ADGRL2: variants seen among roughly 807,000 people sequenced by gnomAD.
ADGRL2 encodes the protein adhesion G protein-coupled receptor L2, also known as calcium-independent alpha-latrotoxin receptor 2.
ADGRL2 carries 44 observed loss-of-function variants against 157.4 expected under a neutral mutation model. The observed-to-expected ratio is 0.28, with a 90% confidence interval of 0.22 to 0.36. The LOEUF (loss-of-function observed/expected upper bound fraction) is 0.36. Among genes scored for constraint, ADGRL2 ranks in the 10% least tolerant of loss-of-function variants. ADGRL2 has a pLI of 1.00. For synonymous variants in ADGRL2, 585 were observed against 624.7 expected (o/e 0.94, Z 0.95); for missense variants, 1,510 against 1,768.9 (o/e 0.85, Z 2.63).
At chr1:81,311,846 T>A (rs1659775016) in intron 1 of ADGRL2, among the ~76,000 whole-genome samples, 1 of 151,952 alleles carries the variant, frequency 6.6e-6, no homozygotes, top group African/African-American at 2.4e-5. Context: ...AGAACCAAGG[T>A]GAAAAGTTAA....
At chr1:81,856,393 T>C (rs751579733) in intron 2 of ADGRL2, among the ~76,000 whole-genome samples, 16 of 152,190 alleles carry the variant, frequency 1.1e-4, no homozygotes, top group Non-Finnish European at 4.4e-5. Flanking sequence ...TATGGGCTTC[T>C]TCTTTTTGTA....
chr1:81,662,579 GA>G, intron 3 of ADGRL2, among the ~76,000 whole-genome samples: 1 of 140,402 alleles, frequency 7.1e-6, no homozygotes, highest in African/African-American at 2.9e-5. Context: ...TTTTGAGACA[GA>G]GTCTCGCTCT....
At chr1:81,361,970 G>A (rs1023583475) in intron 1 of ADGRL2, among the ~76,000 whole-genome samples, 1 of 151,722 alleles carries the variant, frequency 6.6e-6, no homozygotes, top group Non-Finnish European at 1.5e-5. Context: ...TGGTTAGTCT[G>A]CCCTCCATTC....
chr1:81,462,646 C>T (rs978004359), intron 2 of ADGRL2, among the ~76,000 whole-genome samples: 1 of 152,130 alleles, frequency 6.6e-6, no homozygotes, highest in African/African-American at 2.4e-5. Flanking sequence ...CCCTTGTTCT[C>T]ATTAACATCT....
intron 1 of ADGRL2, among the ~76,000 whole-genome samples, chr1:81,423,052 C>A (rs958796565): frequency 2.6e-5 from 4 of 152,236 alleles, no homozygotes; most frequent in South Asian, 2.1e-4. Context: ...GACCAACTTG[C>A]AAATATATTA....
intron 2 of ADGRL2, among the ~76,000 whole-genome samples, chr1:81,906,244 G>A (rs946198345): frequency 1.3e-5 from 2 of 152,076 alleles, no homozygotes; most frequent in African/African-American, 4.8e-5. Context: ...CTTCAGTCCA[G>A]TTACACCTTT....
intron 2 of ADGRL2, among the ~76,000 whole-genome samples, chr1:81,508,527 C>A (rs188409719): frequency 6.6e-6 from 1 of 152,312 alleles, no homozygotes; most frequent in Non-Finnish European, 1.5e-5. Flanking sequence ...TTGCATGTGT[C>A]TCCTCTGCTC....
intron 1 of ADGRL2, among the ~76,000 whole-genome samples, chr1:81,360,928 C>T (rs917164347): frequency 3.3e-5 from 5 of 151,788 alleles, no homozygotes; most frequent in African/African-American, 7.2e-5. Context: ...TTCTTCTGAC[C>T]TAGTATCTAT....
chr1:81,393,280 G>A (rs902229501), intron 1 of ADGRL2, among the ~76,000 whole-genome samples: 1 of 151,800 alleles, frequency 6.6e-6, no homozygotes, highest in Non-Finnish European at 1.5e-5. Flanking sequence ...TATCACTTTG[G>A]GGAAGGGATG....
intron 1 of ADGRL2, among the ~76,000 whole-genome samples, chr1:81,385,143 T>C (rs147503538): frequency 5.9e-5 from 9 of 152,260 alleles, no homozygotes; most frequent in African/African-American, 2.2e-4. Context: ...ACTTAAATTT[T>C]ATCAATACTA....
chr1:81,618,907 T>C (rs2081726118), intron 3 of ADGRL2, among the ~76,000 whole-genome samples: 1 of 152,052 alleles, frequency 6.6e-6, no homozygotes, highest in African/African-American at 2.4e-5. Flanking sequence ...CTAGGTTGAG[T>C]TCTGAATTGG....
At chr1:81,658,094 CATT>C (rs1239705540) in intron 3 of ADGRL2, among the ~76,000 whole-genome samples, 2 of 152,018 alleles carry the variant, frequency 1.3e-5, no homozygotes, top group Non-Finnish European at 2.9e-5. Flanking sequence ...TATACATAAA[CATT>C]ATCTTTTTTG....
At chr1:81,688,020 G>T (rs913885442) in intron 3 of ADGRL2, among the ~76,000 whole-genome samples, 2 of 152,162 alleles carry the variant, frequency 1.3e-5, no homozygotes, top group African/African-American at 4.8e-5. Context: ...AGCTTGTAGG[G>T]TTTCTGCTGA....
rs1165639783 is a variant in ADGRL2 at position 81,705,036 on chromosome 1, G to GT, written c.-143+5232dup. ...TAAACATGAACAAAACAGTGTTGTT[G>GT]TTTTCTTTTAATTTTATTTATTTAT... is the stretch of plus-strand genomic sequence containing the variant. On this transcript the variant is annotated intron_variant, in intron 1 of 20. Transcript: ENST00000359929. Among the ~76,000 whole-genome samples the GT allele has an allele frequency of 4.6e-5, 7 of 152,032 alleles. No individual in the cohort carries two copies. In the South Asian group the frequency reaches 6.2e-4, roughly 14 times the overall value.
At chr1:81,469,098 C>T (rs948672891) in intron 2 of ADGRL2, among the ~76,000 whole-genome samples, 1 of 152,210 alleles carries the variant, frequency 6.6e-6, no homozygotes, top group African/African-American at 2.4e-5. Context: ...GTGGTTCTCA[C>T]ACTTTCCTGC....
At chr1:81,778,187 T>C (rs1571185087) in intron 2 of ADGRL2, among the ~76,000 whole-genome samples, 1 of 138,512 alleles carries the variant, frequency 7.2e-6, no homozygotes, top group South Asian at 2.4e-4. Flanking sequence ...CCAAGCATGG[T>C]GGCGGGCACT....
At chr1:81,754,790 A>G (rs2085627052) in intron 1 of ADGRL2, among the ~76,000 whole-genome samples, 1 of 150,694 alleles carries the variant, frequency 6.6e-6, no homozygotes, top group East Asian at 2.0e-4. Flanking sequence ...GTAGCTTTGG[A>G]AACTTAGACA....
intron 2 of ADGRL2, among the ~76,000 whole-genome samples, chr1:81,556,382 G>A (rs377200471): frequency 7.6e-6 from 1 of 130,924 alleles, no homozygotes; most frequent in Non-Finnish European, 1.5e-5. Flanking sequence ...GCAGTGGTGT[G>A]ATCTTGGCTC....
chr1:81,392,543 T>C (rs903375228), intron 1 of ADGRL2, among the ~76,000 whole-genome samples: 1 of 151,976 alleles, frequency 6.6e-6, no homozygotes, highest in Non-Finnish European at 1.5e-5. Flanking sequence ...TAATCCTACA[T>C]CCTAAAATGC....
Sources: allele counts gnomAD v4.1 joint callset (sites outside exome capture counted in the v4.1 genomes callset), GRCh38; gene constraint gnomAD v4.1.1; transcripts MANE v1.5; gene names NCBI Gene and HGNC (gene_info 2026-07-23, HGNC 2026-07-21).